The following PIH1D2 variants were observed in gnomAD, a reference collection of about 807,000 sequenced individuals.
The protein encoded by PIH1D2 is PIH1 domain containing 2.
A neutral mutation model predicts 31.2 loss-of-function variants in PIH1D2; 25 were observed. That is an observed-to-expected ratio of 0.80 (90% CI 0.58 to 1.12). The LOEUF (loss-of-function observed/expected upper bound fraction) is 1.12. Ranked by LOEUF, PIH1D2 falls within the 50% of genes most tolerant of loss-of-function variation. The pLI, the probability that PIH1D2 is intolerant of heterozygous loss-of-function variation, is 0.00. For missense variants in PIH1D2, 310 were observed against 356.6 expected, an observed-to-expected ratio of 0.87 and a Z score of 1.05; for synonymous variants, 116 against 119.9, an observed-to-expected ratio of 0.97 and a Z score of 0.21.
intron 4 of PIH1D2, 112 bp from the exon 5 acceptor site, chr11:112,070,813 ATTAG>A (rs782757412): frequency 3.1e-6 from 4 of 1,309,700 alleles, no homozygotes; most frequent in Non-Finnish European, 4.1e-6. Flanking sequence ...CTGCAGTTAA[ATTAG>A]TTTGGGAATC....
chr11:112,072,508 T>A (rs1865153716), intron 2 of PIH1D2, among the ~76,000 whole-genome samples: 2 of 118,524 alleles, frequency 1.7e-5, no homozygotes, highest in South Asian at 3.0e-4. Context: ...ATTGTGCCAC[T>A]GCACTCCAGC....
chr11:112,069,659 T>C (rs1865049747), intron 5 of PIH1D2: 1 of 152,086 alleles, frequency 6.6e-6, no homozygotes, highest in Non-Finnish European at 1.5e-5. Flanking sequence ...CTAAAGGTCG[T>C]GGAAAAAAAT....
intron 4 of PIH1D2, 44 bp downstream of exon 4, chr11:112,070,994 C>T: frequency 6.4e-7 from 1 of 1,573,450 alleles, no homozygotes; most frequent in Non-Finnish European, 8.6e-7. Context: ...GATCCAAAAA[C>T]ATCTTAAAGC....
chr11:112,071,753 T>C lies in PIH1D2; in HGVS notation c.183A>G (p.Pro61=). Residue 61 remains proline (P), a synonymous_variant, in exon 3 of 6, where the codon CCA becomes CCG. Coordinates refer to ENST00000280350, the MANE Select transcript of PIH1D2 (RefSeq NM_138789.4). ...QLCLQTRILK[P]KEKILFINLC... ...GGTTGATAAAAAGTATTTTTTCTTT[T>C]GGTTTCTGGAAAGCAAATAATTTTG... is the stretch of plus-strand genomic sequence containing the variant. 1.2e-6 allele frequency: 2 copies of C among 1,614,160 alleles called. No homozygotes were observed. The highest frequency in any genetic ancestry group is 1.7e-6 in the Non-Finnish European group (2 of 1,179,980).
chr11:112,059,289 G>A (rs893039786), downstream of PIH1D2, among the ~76,000 whole-genome samples: 1 of 151,952 alleles, frequency 6.6e-6, no homozygotes, highest in Non-Finnish European at 1.5e-5. Context: ...GGTCAAGGCA[G>A]ACGGCAGGGG....
downstream of PIH1D2, among the ~76,000 whole-genome samples, chr11:112,065,451 T>TTG (rs1864886246): frequency 2.0e-5 from 3 of 152,206 alleles, no homozygotes; most frequent in Non-Finnish European, 4.4e-5. Context: ...TTAGGAGTTT[T>TTG]TAGGAAATAC....
intron 3 of PIH1D2, 106 bp downstream of exon 3, chr11:112,071,529 T>C (rs1054865852): frequency 7.2e-7 from 1 of 1,391,492 alleles, no homozygotes; most frequent in Non-Finnish European, 9.9e-7. Context: ...ATTGTAATTA[T>C]ATTATCAACA....
chr11:112,071,815 A>G (rs1178693974), intron 2 of PIH1D2, 57 bp from the exon 3 acceptor site: 43 of 1,584,290 alleles, frequency 2.7e-5, no homozygotes, highest in Non-Finnish European at 3.2e-5. Flanking sequence ...ATTTAAGGCC[A>G]GGCATGGTGG....
At chr11:112,060,959 G>A (rs1350138947), downstream of PIH1D2, 1 of 1,325,692 alleles carries the variant, frequency 7.5e-7, no homozygotes, top group African/African-American at 1.5e-5. Context: ...TTAGCTTAAG[G>A]TCTTTTCACA....
At chr11:112,059,796 C>A, downstream of PIH1D2, 1 of 931,042 alleles carries the variant, frequency 1.1e-6, no homozygotes, top group Non-Finnish European at 1.6e-6. Context: ...CAATAACACA[C>A]ATTGGTTCAA....
At chr11:112,059,097 A>G (rs1335704614), downstream of PIH1D2, among the ~76,000 whole-genome samples, 3 of 151,030 alleles carry the variant, frequency 2.0e-5, no homozygotes, top group African/African-American at 7.3e-5. Context: ...CGTTCTTCTG[A>G]GGTACCACCA....
chr11:112,059,919 G>A, downstream of PIH1D2: 1 of 1,609,652 alleles, frequency 6.2e-7, no homozygotes, highest in Non-Finnish European at 8.5e-7. Context: ...TGTTGTTGAT[G>A]TCAGTGTTGC....
In PIH1D2 at chr11:112,071,506, T is replaced by C. The variant is rs1231444994; in HGVS notation, c.301+129A>G. 4.5e-6 allele frequency: 6 copies of C among 1,323,864 alleles called. No homozygotes were observed. In the African/African-American group the frequency reaches 9.0e-5, roughly 20 times the overall value. 82.0% of individuals were successfully genotyped at this position (1,323,864 alleles called of 1,614,324 possible). On this transcript the variant is annotated intron_variant, in intron 3 of 5. Transcript: ENST00000280350. ...AAAGTTAAACAGTATTAAATTTGCA[T>C]AAAGATACACTAATTGTAATTATAT...
At chr11:112,066,923 C>T (rs587642737), downstream of PIH1D2, among the ~76,000 whole-genome samples, 14 of 152,106 alleles carry the variant, frequency 9.2e-5, 2 homozygotes, top group South Asian at 2.5e-3. Context: ...ACTAGCCAGG[C>T]GTGGTGGCAC....
intron 5 of PIH1D2, among the ~76,000 whole-genome samples, chr11:112,068,455 A>G (rs1865003715): frequency 6.6e-6 from 1 of 152,194 alleles, no homozygotes; most frequent in African/African-American, 2.4e-5. Flanking sequence ...TACAAGAAAG[A>G]TGAGCTTAGA....
chr11:112,072,594 T>G (rs1865161179), intron 2 of PIH1D2: 1 of 133,298 alleles, frequency 7.5e-6, no homozygotes, highest in Non-Finnish European at 1.5e-5. Flanking sequence ...CCAGGCGCAG[T>G]GGCTCATGCC....
At chr11:112,059,706 TTAA>T (rs1756180908), downstream of PIH1D2, among the ~76,000 whole-genome samples, 2 of 152,156 alleles carry the variant, frequency 1.3e-5, no homozygotes, top group South Asian at 4.1e-4. Flanking sequence ...TCTTTGATTT[TTAA>T]TAACTACAAG....
the PIH1D2 span, among the ~76,000 whole-genome samples, chr11:112,052,630 C>T: frequency 6.6e-6 from 1 of 152,126 alleles, no homozygotes; most frequent in Non-Finnish European, 1.5e-5. Context: ...TCCAGCACTT[C>T]CACAGTTCAG....
intron 1 of PIH1D2, 136 bp from the exon 2 acceptor site, chr11:112,073,341 A>G: frequency 1.9e-6 from 1 of 539,372 alleles, no homozygotes. Flanking sequence ...GTTGTGGATC[A>G]GCACCACTTT....
Sources: allele counts gnomAD v4.1 joint callset (sites outside exome capture counted in the v4.1 genomes callset), GRCh38; gene constraint gnomAD v4.1.1; transcripts MANE v1.5; gene names NCBI Gene and HGNC (gene_info 2026-07-23, HGNC 2026-07-21).